The following ZBTB20 variants were observed in gnomAD, a reference collection of about 807,000 sequenced individuals.
ZBTB20 encodes the protein zinc finger and BTB domain containing 20.
A neutral mutation model predicts 56.9 loss-of-function variants in ZBTB20; 9 were observed. The observed-to-expected ratio is 0.16, with a 90% CI of 0.10 to 0.28. The LOEUF (loss-of-function observed/expected upper bound fraction) is 0.28, where lower values mean the gene tolerates loss of function less well. ZBTB20 is among the 10% of genes least tolerant of loss of function. The pLI, the probability that ZBTB20 is intolerant of heterozygous loss-of-function variation, is 1.00. For synonymous variants in ZBTB20, 417 were observed against 420.7 expected (o/e 0.99, Z 0.11); for missense variants, 655 against 1,003.0 (o/e 0.65, Z 4.69).
intron 5 of ZBTB20, among the ~76,000 whole-genome samples, chr3:114,736,793 A>G (rs1578611753): frequency 6.6e-6 from 1 of 152,266 alleles, no homozygotes; most frequent in East Asian, 1.9e-4. Context: ...CATGAAACTT[A>G]CATGATTTAC....
At chr3:115,095,375 CA>C (rs1424434840) in intron 1 of ZBTB20, among the ~76,000 whole-genome samples, 2 of 152,086 alleles carry the variant, frequency 1.3e-5, no homozygotes, top group Non-Finnish European at 2.9e-5. Flanking sequence ...AGCTGAGTGT[CA>C]AAAGATTCCA....
chr3:114,683,530 A>T (rs1440705516), intron 6 of ZBTB20, among the ~76,000 whole-genome samples: 1 of 152,188 alleles, frequency 6.6e-6, no homozygotes, highest in Admixed American at 6.5e-5. Flanking sequence ...CTCAGAGGGT[A>T]AGATAATAAT....
At position 114,980,756 on chromosome 3, in the gene ZBTB20, A is replaced by G. The variant is rs2078293746; in HGVS notation, c.-506-6340T>C. On this transcript the variant is annotated intron_variant, in intron 2 of 11. Transcript: ENST00000675478. ...AAGAAAAAAAGAATGAATAAATTAA[A>G]AAATCACCATTTTCTCCAGATAAGA... is the stretch of plus-strand genomic sequence containing the variant. 4.6e-5 allele frequency among the ~76,000 whole-genome samples: 7 copies of G among 151,966 alleles called. No individual in the cohort carries two copies. The South Asian group carries it at 1.4e-3, about 31-fold the overall frequency.
intron 3 of ZBTB20, among the ~76,000 whole-genome samples, chr3:114,968,606 C>T (rs1477586191): frequency 1.3e-5 from 2 of 152,140 alleles, no homozygotes; most frequent in Admixed American, 1.3e-4. Context: ...GACAAAAATA[C>T]TCCACATATA....
At position 114,324,515 on chromosome 3, in the gene ZBTB20, C is replaced by G. The variant is rs1370984069; in HGVS notation, c.*14490G>C. On this transcript the variant is annotated 3_prime_UTR_variant, in exon 12 of 12. Coordinates refer to ENST00000675478, the MANE Select transcript of ZBTB20 (RefSeq NM_001348800.3). Reference sequence around the variant, plus strand: ...TCCTATTCTTTTTTTTTTCTGACTACACATAAATACAGATATACATACACA... The same window carrying G: ...TCCTATTCTTTTTTTTTTCTGACTAGACATAAATACAGATATACATACACA... The G allele has an allele frequency of 6.6e-6, 1 of 151,732 alleles. No homozygotes were observed. Among genetic ancestry groups the G allele is most frequent in the African/African-American group, 2.4e-5 (1 of 41,314 alleles). 9.4% of individuals were successfully genotyped at this position (151,732 alleles called of 1,614,324 possible).
intron 6 of ZBTB20, among the ~76,000 whole-genome samples, chr3:114,692,131 G>A (rs1272708775): frequency 1.3e-5 from 2 of 152,134 alleles, no homozygotes; most frequent in Non-Finnish European, 2.9e-5. Context: ...GCCAGCAAAA[G>A]CGTGAAATTC....
intron 5 of ZBTB20, among the ~76,000 whole-genome samples, chr3:114,779,135 G>A (rs1460934443): frequency 2.0e-5 from 3 of 152,210 alleles, no homozygotes; most frequent in Admixed American, 1.3e-4. Flanking sequence ...CTGAGCAGTC[G>A]ATATGAATTC....
intron 6 of ZBTB20, among the ~76,000 whole-genome samples, chr3:114,692,240 A>G (rs1295598107): frequency 6.6e-6 from 1 of 152,116 alleles, no homozygotes; most frequent in Non-Finnish European, 1.5e-5. Flanking sequence ...GAGGCTTACT[A>G]ATACGAGTTT....
At chr3:114,637,984 C>A (rs2059365913) in intron 6 of ZBTB20, among the ~76,000 whole-genome samples, 1 of 152,062 alleles carries the variant, frequency 6.6e-6, no homozygotes, top group Non-Finnish European at 1.5e-5. Flanking sequence ...AACCAAACTT[C>A]ATTCCCTCAT....
At chr3:115,053,558 A>G (rs2108445723) in intron 2 of ZBTB20, among the ~76,000 whole-genome samples, 1 of 152,280 alleles carries the variant, frequency 6.6e-6, no homozygotes, top group East Asian at 1.9e-4. Flanking sequence ...ATTTGATAAA[A>G]ATTTCTTTTT....
At chr3:114,528,509 C>T (rs1006232197) in intron 6 of ZBTB20, 4 of 152,062 alleles carry the variant, frequency 2.6e-5, no homozygotes, top group Non-Finnish European at 4.4e-5. Flanking sequence ...AAATCAGTAC[C>T]GTTTTCCTTT....
chr3:114,418,910 C>A (rs2088854351), intron 7 of ZBTB20: 1 of 152,004 alleles, frequency 6.6e-6, no homozygotes, highest in African/African-American at 2.4e-5. Flanking sequence ...GTAAGACCTA[C>A]CTGATTAACC....
chr3:114,850,142 C>T (rs1579152167), intron 4 of ZBTB20, among the ~76,000 whole-genome samples: 1 of 151,936 alleles, frequency 6.6e-6, no homozygotes, highest in South Asian at 2.1e-4. Context: ...TCGAGTGATC[C>T]GCCTGCCTCA....
intron 2 of ZBTB20, among the ~76,000 whole-genome samples, chr3:114,978,596 A>T (rs1458020576): frequency 6.6e-6 from 1 of 151,722 alleles, no homozygotes; most frequent in Non-Finnish European, 1.5e-5. Context: ...ATTTTTCTCT[A>T]TATAATATAA....
intron 1 of ZBTB20, among the ~76,000 whole-genome samples, chr3:115,083,731 A>G (rs1008217779): frequency 6.6e-6 from 1 of 151,994 alleles, no homozygotes; most frequent in Non-Finnish European, 1.5e-5. Flanking sequence ...ATAGGGGTCA[A>G]TGACCCATAG....
chr3:115,076,741 A>T (rs909679622), intron 1 of ZBTB20, among the ~76,000 whole-genome samples: 1 of 152,228 alleles, frequency 6.6e-6, no homozygotes, highest in South Asian at 2.1e-4. Flanking sequence ...TGAAAAGGCA[A>T]CCTATGGAAT....
chr3:114,544,013 T>C (rs1361109891), intron 6 of ZBTB20, among the ~76,000 whole-genome samples: 1 of 152,220 alleles, frequency 6.6e-6, no homozygotes, highest in African/African-American at 2.4e-5. Context: ...AACTATTCAT[T>C]GAGCACCTAC....
chr3:114,676,750 T>C (rs1393545551), intron 6 of ZBTB20, among the ~76,000 whole-genome samples: 1 of 151,252 alleles, frequency 6.6e-6, no homozygotes, highest in Admixed American at 6.6e-5. Flanking sequence ...TCATTCTCCC[T>C]CTAAGCCTCT....
intron 3 of ZBTB20, among the ~76,000 whole-genome samples, chr3:114,910,236 C>G (rs557934733): frequency 6.6e-6 from 1 of 150,910 alleles, no homozygotes; most frequent in Admixed American, 6.6e-5. Context: ...AACTCTGATT[C>G]GACAATTATA....
Sources: gnomAD v4.1 joint callset for allele counts (sites outside exome capture counted in the v4.1 genomes callset) on GRCh38, gnomAD v4.1.1 for gene constraint, MANE v1.5 for transcripts, NCBI Gene and HGNC (gene_info 2026-07-23, HGNC 2026-07-21) for gene names.